The following ATRNL1 variants were observed in gnomAD, a reference collection of about 807,000 sequenced individuals.
The protein encoded by ATRNL1 is attractin-like protein 1.
A neutral mutation model predicts 182.7 loss-of-function variants in ATRNL1; 95 were observed. That is an observed-to-expected ratio of 0.52 (90% CI 0.44 to 0.62). The LOEUF (loss-of-function observed/expected upper bound fraction) is 0.62, where lower values mean the gene tolerates loss of function less well. Ranked by LOEUF, ATRNL1 falls within the 20% of genes least tolerant of loss-of-function variation. The pLI, the probability that ATRNL1 is intolerant of heterozygous loss-of-function variation, is 0.00. For synonymous variants in ATRNL1, 576 were observed against 568.3 expected, an observed-to-expected ratio of 1.01 and a Z score of -0.19; for missense variants, 1,471 against 1,679.5, an observed-to-expected ratio of 0.88 and a Z score of 2.17.
intron 25 of ATRNL1, among the ~76,000 whole-genome samples, chr10:115,536,237 A>G (rs10885733): frequency 0.42 from 63,011 of 151,380 alleles, 13,592 homozygotes; most frequent in Middle Eastern, 0.53. Context: ...AGACAGGCAG[A>G]CCTCCTTGAG....
At chr10:115,173,603 C>T (rs146278535) in intron 8 of ATRNL1, among the ~76,000 whole-genome samples, 3,570 of 151,768 alleles carry the variant, frequency 0.024, 49 homozygotes, top group South Asian at 0.035. Context: ...TCATATTTCT[C>T]CTTATATATT....
chr10:115,626,063 G>A (rs1209980019), intron 26 of ATRNL1, among the ~76,000 whole-genome samples: 4 of 151,992 alleles, frequency 2.6e-5, no homozygotes, highest in African/African-American at 9.7e-5. Flanking sequence ...CCCTGAAACT[G>A]GTATTGACCT....
chr10:115,202,786 G>A (rs1211950366), intron 8 of ATRNL1, among the ~76,000 whole-genome samples: 1 of 146,354 alleles, frequency 6.8e-6, no homozygotes, highest in Non-Finnish European at 1.5e-5. Flanking sequence ...TCTATTGATT[G>A]GAATAGTTTC....
intron 24 of ATRNL1, among the ~76,000 whole-genome samples, chr10:115,510,373 A>G (rs1850327785): frequency 6.6e-6 from 1 of 152,052 alleles, no homozygotes; most frequent in Non-Finnish European, 1.5e-5. Context: ...TGTGGCAAAT[A>G]TCATTGTTGT....
intron 8 of ATRNL1, among the ~76,000 whole-genome samples, chr10:115,214,857 A>C (rs1849168513): frequency 6.6e-6 from 1 of 152,146 alleles, no homozygotes; most frequent in African/African-American, 2.4e-5. Flanking sequence ...GCAGAGTGGG[A>C]TTTTAATATC....
chr10:115,221,144 G>T (rs1467167974), intron 9 of ATRNL1, among the ~76,000 whole-genome samples: 4 of 152,192 alleles, frequency 2.6e-5, no homozygotes, highest in African/African-American at 9.7e-5. Flanking sequence ...CTGACAGGAG[G>T]TGGAGCTCAG....
intron 26 of ATRNL1, among the ~76,000 whole-genome samples, chr10:115,587,621 G>A (rs1246266285): frequency 7.0e-6 from 1 of 143,158 alleles, no homozygotes; most frequent in African/African-American, 2.5e-5. Flanking sequence ...TTCGGCTCGC[G>A]CATGGTGCGT....
At chr10:115,512,444 A>C (rs1257216441) in intron 24 of ATRNL1, among the ~76,000 whole-genome samples, 2 of 151,820 alleles carry the variant, frequency 1.3e-5, no homozygotes, top group Non-Finnish European at 2.9e-5. Context: ...AAGTCCTAAG[A>C]ATACTCCTGT....
chr10:115,479,923 T>G (rs1848689812), intron 24 of ATRNL1, among the ~76,000 whole-genome samples: 2 of 151,326 alleles, frequency 1.3e-5, no homozygotes, highest in African/African-American at 2.4e-5. Context: ...TTAAATTAGA[T>G]TGACTCTCAA....
intron 1 of ATRNL1, among the ~76,000 whole-genome samples, chr10:115,119,342 A>ATGTGTG (rs138144661): frequency 2.6e-5 from 4 of 151,654 alleles, no homozygotes; most frequent in African/African-American, 9.7e-5. Flanking sequence ...TGATATGTAT[A>ATGTGTG]TGTGTGTGTG....
At chr10:115,928,819 A>C (rs1039951582) in intron 28 of ATRNL1, among the ~76,000 whole-genome samples, 12 of 152,020 alleles carry the variant, frequency 7.9e-5, no homozygotes, top group African/African-American at 2.7e-4. Flanking sequence ...TCAGTGTTTC[A>C]TGTATCTGTG....
chr10:115,458,932 C>T (rs1245324721), intron 21 of ATRNL1, among the ~76,000 whole-genome samples: 7 of 152,046 alleles, frequency 4.6e-5, no homozygotes, highest in Non-Finnish European at 7.4e-5. Flanking sequence ...ATGGAGGGAC[C>T]GGCTGAAGCC....
intron 23 of ATRNL1, 133 bp from the exon 24 acceptor site, chr10:115,469,039 C>T: frequency 5.7e-6 from 2 of 348,062 alleles, no homozygotes; most frequent in Non-Finnish European, 1.0e-5. Flanking sequence ...ACTTATTTTC[C>T]TTCATTCAAA....
intron 26 of ATRNL1, among the ~76,000 whole-genome samples, chr10:115,667,813 T>G (rs1861089642): frequency 6.6e-6 from 1 of 151,922 alleles, no homozygotes; most frequent in Non-Finnish European, 1.5e-5. Context: ...TGGGCTACCA[T>G]GACCAGCTAA....
intron 26 of ATRNL1, among the ~76,000 whole-genome samples, chr10:115,634,883 A>G (rs1383812621): frequency 1.3e-5 from 2 of 152,144 alleles, no homozygotes; most frequent in South Asian, 4.1e-4. Flanking sequence ...AGTTATCAAA[A>G]GCTGTGTTAT....
In ATRNL1 at chr10:115,701,554, G is replaced by C. The variant is rs931636157; in HGVS notation, c.3796-25694G>C. The stretch of plus-strand genomic sequence containing the variant: ...TATAAATAAGATTGATAGACTGCTA[G>C]GTAGATTAGCAAACAAACTGAAGAA... On this transcript the variant is annotated intron_variant, in intron 26 of 28. Transcript: ENST00000355044. 2.0e-5 allele frequency among the ~76,000 whole-genome samples: 3 copies of C among 151,966 alleles called. No homozygotes were observed. The East Asian group carries it at 5.8e-4, about 29-fold the overall frequency.
intron 8 of ATRNL1, among the ~76,000 whole-genome samples, chr10:115,186,837 GATT>G (rs1299856380): frequency 6.6e-6 from 1 of 151,966 alleles, no homozygotes; most frequent in Non-Finnish European, 1.5e-5. Context: ...AGTAGAATTG[GATT>G]ATTTGTGTCA....
chr10:115,667,637 T>C (rs1593037475), intron 26 of ATRNL1, among the ~76,000 whole-genome samples: 2 of 150,996 alleles, frequency 1.3e-5, no homozygotes, highest in East Asian at 4.0e-4. Context: ...ATCCACAACA[T>C]TACATCTACT....
intron 8 of ATRNL1, among the ~76,000 whole-genome samples, chr10:115,186,581 A>G (rs1289605701): frequency 6.6e-6 from 1 of 152,118 alleles, no homozygotes; most frequent in Non-Finnish European, 1.5e-5. Flanking sequence ...GGAAATCATT[A>G]AGTGAAATAA....
Sources: allele counts gnomAD v4.1 joint callset (sites outside exome capture counted in the v4.1 genomes callset), GRCh38; gene constraint gnomAD v4.1.1; transcripts MANE v1.5; gene names NCBI Gene and HGNC (gene_info 2026-07-23, HGNC 2026-07-21).